NUDC: variants seen among roughly 807,000 people sequenced by gnomAD.
NUDC encodes the protein nuclear distribution C, dynein complex regulator, also known as nuclear migration protein nudC.
Under a neutral mutation model 45.0 loss-of-function variants are expected in NUDC, and 14 were observed. That is an observed-to-expected ratio of 0.31 (90% CI 0.21 to 0.49). The LOEUF (loss-of-function observed/expected upper bound fraction) is 0.49, where lower values mean the gene tolerates loss of function less well. Among genes scored for constraint, NUDC ranks in the 20% least tolerant of loss-of-function variants. NUDC has a pLI of 0.99. For missense variants in NUDC, 323 were observed against 426.2 expected (o/e 0.76, Z 2.13); for synonymous variants, 153 against 156.7 (o/e 0.98, Z 0.17).
chr1:26,925,462 C>T (rs1205857813), intron 2 of NUDC, among the ~76,000 whole-genome samples: 1 of 146,632 alleles, frequency 6.8e-6, no homozygotes, highest in Non-Finnish European at 1.5e-5. Flanking sequence ...ATGGCGTGAA[C>T]CCCGGGGGGC....
At chr1:26,931,987 C>T (rs1570733224) in intron 2 of NUDC, among the ~76,000 whole-genome samples, 3 of 139,826 alleles carry the variant, frequency 2.1e-5, no homozygotes, top group Non-Finnish European at 3.1e-5. Flanking sequence ...CGCTTGGCCC[C>T]TTTTTTTTTT....
At chr1:26,933,764 C>G (rs556892877) in intron 2 of NUDC, among the ~76,000 whole-genome samples, 1 of 152,226 alleles carries the variant, frequency 6.6e-6, no homozygotes, top group East Asian at 1.9e-4. Context: ...AGCAGATGCA[C>G]CATTTGACAC....
chr1:26,902,371 A>C (rs2081983657), intron 2 of NUDC: 1 of 152,232 alleles, frequency 6.6e-6, no homozygotes, highest in Admixed American at 6.5e-5. Context: ...TTCAAGGTAA[A>C]GCATTATCTG....
chr1:26,908,852 G>A (rs968299546), intron 2 of NUDC, among the ~76,000 whole-genome samples: 3 of 149,236 alleles, frequency 2.0e-5, no homozygotes, highest in Non-Finnish European at 4.4e-5. Flanking sequence ...AGTGATTTTC[G>A]TGCCTCGGCC....
chr1:26,921,714 C>A (rs1052010291), upstream of NUDC: 8 of 961,596 alleles, frequency 8.3e-6, no homozygotes, highest in East Asian at 1.9e-4. Flanking sequence ...GCCTGGGCAG[C>A]CGCGCGCGTG....
intron 2 of NUDC, among the ~76,000 whole-genome samples, chr1:26,940,205 G>A (rs933500998): frequency 1.2e-4 from 18 of 151,260 alleles, no homozygotes; most frequent in African/African-American, 3.9e-4. Context: ...GACCGGGCAC[G>A]GTGGCTCACA....
intron 2 of NUDC, among the ~76,000 whole-genome samples, chr1:26,937,117 A>G (rs751274390): frequency 5.3e-5 from 8 of 152,168 alleles, no homozygotes; most frequent in Non-Finnish European, 7.3e-5. Context: ...CTTGTTTATT[A>G]TAAAAGACAT....
intron 2 of NUDC, among the ~76,000 whole-genome samples, chr1:26,931,418 T>TTTC (rs2082182943): frequency 6.9e-6 from 1 of 145,960 alleles, no homozygotes; most frequent in African/African-American, 2.5e-5. Context: ...AGTCTCGCTT[T>TTTC]TTCGCCCAGG....
exon 3 of NUDC, chr1:26,911,164 G>A (rs766759472): frequency 2.1e-5 from 10 of 470,782 alleles, no homozygotes; most frequent in South Asian, 1.5e-4. Flanking sequence ...CTACAGAAAT[G>A]GCAGTGAACT....
chr1:26,914,029 G>C (rs369176490), intron 3 of NUDC: 2 of 1,116,970 alleles, frequency 1.8e-6, no homozygotes, highest in East Asian at 2.8e-5. Context: ...GGAACGGGGG[G>C]AATGGCCCAA....
intron 2 of NUDC, among the ~76,000 whole-genome samples, chr1:26,907,998 G>A (rs1453489435): frequency 2.6e-5 from 4 of 152,174 alleles, no homozygotes; most frequent in Non-Finnish European, 2.9e-5. Flanking sequence ...GGCCAACATC[G>A]TGAAACTCTG....
At chr1:26,942,123 C>T (rs1189180342) in intron 4 of NUDC, among the ~76,000 whole-genome samples, 1 of 152,078 alleles carries the variant, frequency 6.6e-6, no homozygotes, top group East Asian at 1.9e-4. Context: ...GAAACCCCAT[C>T]TCTACTAAAA....
chr1:26,942,537 G>A, intron 4 of NUDC, 123 bp from the exon 5 acceptor site: 3 of 1,425,780 alleles, frequency 2.1e-6, no homozygotes, highest in African/African-American at 2.8e-5. Context: ...GGAGTGGGCA[G>A]GGACCAGGTC....
chr1:26,900,328 C>T lies in NUDC; in HGVS notation c.-173C>T. On this transcript the variant is annotated 5_prime_UTR_variant, in exon 1 of 7. Transcript: ENST00000435827. ...AAACAGAGGAAGCCACCGCCGCGCTCTTCTCGGAACTGGCTAAAATAGCTC... is the reference window on the plus strand; with the variant it reads ...AAACAGAGGAAGCCACCGCCGCGCTTTTCTCGGAACTGGCTAAAATAGCTC... 6.2e-7 allele frequency: 1 copy of T among 1,614,120 alleles called. No homozygotes were observed. Among genetic ancestry groups the T allele is most frequent in the Non-Finnish European group, 8.5e-7 (1 of 1,180,044 alleles).
At chr1:26,919,029 C>T (rs1486503470), upstream of NUDC, among the ~76,000 whole-genome samples, 3 of 151,938 alleles carry the variant, frequency 2.0e-5, no homozygotes, top group East Asian at 5.8e-4. Context: ...CCACTTGCCT[C>T]GGCCTCCTAA....
chr1:26,934,363 G>A (rs2082209343), intron 2 of NUDC, among the ~76,000 whole-genome samples: 1 of 152,170 alleles, frequency 6.6e-6, no homozygotes. Flanking sequence ...AACCATCCTG[G>A]TGATTCAGTT....
At chr1:26,913,496 G>T in intron 3 of NUDC, 1 of 1,613,678 alleles carries the variant, frequency 6.2e-7, no homozygotes, top group Non-Finnish European at 8.5e-7. Flanking sequence ...CAGCATTGAA[G>T]CCACTGCACC....
chr1:26,936,135 ATATATATATATATATAT>A (rs1213172774), intron 2 of NUDC, among the ~76,000 whole-genome samples: 1 of 2,540 alleles, frequency 3.9e-4, no homozygotes, highest in Admixed American at 4.9e-3. Context: ...CGCCCGGCTA[ATATATATATATATATAT>A]ATATATATAT....
At chr1:26,911,821 G>T in intron 3 of NUDC, 3 of 1,614,036 alleles carry the variant, frequency 1.9e-6, no homozygotes, top group Non-Finnish European at 2.5e-6. Context: ...CTGCCCACCT[G>T]ATCTCTGCCT....
Sources: allele counts gnomAD v4.1 joint callset (sites outside exome capture counted in the v4.1 genomes callset), GRCh38; gene constraint gnomAD v4.1.1; transcripts MANE v1.5; gene names NCBI Gene and HGNC (gene_info 2026-07-23, HGNC 2026-07-21).